Variants in THRB observed in about 807,000 individuals in gnomAD.
The protein encoded by THRB is thyroid hormone receptor beta, also known as nuclear receptor subfamily 1 group A member 2.
In THRB, 12 loss-of-function variants were observed where a neutral mutation model predicts 47.8. The ratio of observed to expected loss-of-function variants is 0.25; its 90% CI spans 0.16 to 0.41. The LOEUF is 0.41. THRB is among the 10% of genes least tolerant of loss of function. The pLI, the probability that THRB is intolerant of heterozygous loss-of-function variation, is 1.00. For missense variants in THRB, 348 were observed against 589.2 expected, an observed-to-expected ratio of 0.59 and a Z score of 4.24; for synonymous variants, 218 against 212.2, an observed-to-expected ratio of 1.03 and a Z score of -0.24.
At chr3:24,140,831 A>G (rs1056778997) in intron 8 of THRB, among the ~76,000 whole-genome samples, 5 of 152,214 alleles carry the variant, frequency 3.3e-5, no homozygotes, top group African/African-American at 1.2e-4. Flanking sequence ...GATGGCAGCC[A>G]TCTTGGAGAA....
intron 3 of THRB, among the ~76,000 whole-genome samples, chr3:24,252,420 C>G (rs1056804199): frequency 6.6e-6 from 1 of 151,988 alleles, no homozygotes; most frequent in African/African-American, 2.4e-5. Context: ...AAAAAAATCA[C>G]AGTTGAATCT....
chr3:24,276,333 T>C (rs570475828), intron 3 of THRB, among the ~76,000 whole-genome samples: 1 of 152,340 alleles, frequency 6.6e-6, no homozygotes, highest in South Asian at 2.1e-4. Flanking sequence ...ATTCATTTAT[T>C]AACTTAATCG....
At chr3:24,454,317 A>G (rs1184326102) in intron 1 of THRB, among the ~76,000 whole-genome samples, 3 of 152,218 alleles carry the variant, frequency 2.0e-5, no homozygotes, top group Non-Finnish European at 2.9e-5. Flanking sequence ...AAAATTCATA[A>G]TTCATACAGA....
chr3:24,448,312 C>T (rs551252011), intron 1 of THRB, among the ~76,000 whole-genome samples: 2 of 152,154 alleles, frequency 1.3e-5, no homozygotes, highest in East Asian at 1.9e-4. Context: ...GATCAAAATG[C>T]TATTTTTAAA....
At chr3:24,387,463 G>T (rs532023632) in intron 1 of THRB, among the ~76,000 whole-genome samples, 1 of 152,216 alleles carries the variant, frequency 6.6e-6, no homozygotes, top group Non-Finnish European at 1.5e-5. Context: ...TCTAACTACA[G>T]ATTTTTAATC....
intron 4 of THRB, among the ~76,000 whole-genome samples, chr3:24,223,901 GTATA>G (rs2047400308): frequency 6.6e-6 from 1 of 151,536 alleles, no homozygotes; most frequent in Admixed American, 6.6e-5. Context: ...TGTGGGGGGG[GTATA>G]TAGTCAAATT....
At chr3:24,386,904 C>A (rs2066166585) in intron 1 of THRB, among the ~76,000 whole-genome samples, 1 of 152,116 alleles carries the variant, frequency 6.6e-6, no homozygotes, top group Non-Finnish European at 1.5e-5. Flanking sequence ...AGTTAAAGCA[C>A]AGAAAGCACT....
At chr3:24,489,425 C>A (rs1036117728) in intron 1 of THRB, among the ~76,000 whole-genome samples, 1 of 152,254 alleles carries the variant, frequency 6.6e-6, no homozygotes, top group South Asian at 2.1e-4. Flanking sequence ...TGTGTCTGAG[C>A]AAGGGAGATG....
At chr3:24,280,812 C>T (rs1209372919) in intron 3 of THRB, among the ~76,000 whole-genome samples, 5 of 150,564 alleles carry the variant, frequency 3.3e-5, no homozygotes, top group South Asian at 2.1e-4. Flanking sequence ...GGAGCCCATG[C>T]GATCAACTGG....
At chr3:24,150,428 A>G (rs1163579952) in intron 6 of THRB, among the ~76,000 whole-genome samples, 4 of 152,182 alleles carry the variant, frequency 2.6e-5, no homozygotes, top group African/African-American at 4.8e-5. Flanking sequence ...TGATTTTACA[A>G]TGAAGGCAAC....
chr3:24,240,781 A>G (rs1283072572), intron 3 of THRB, among the ~76,000 whole-genome samples: 3 of 152,116 alleles, frequency 2.0e-5, no homozygotes, highest in African/African-American at 7.2e-5. Flanking sequence ...GAGAGTCTGC[A>G]TTTCTAACAA....
At chr3:24,234,378 T>A (rs2150158097) in intron 3 of THRB, among the ~76,000 whole-genome samples, 1 of 152,164 alleles carries the variant, frequency 6.6e-6, no homozygotes, top group South Asian at 2.1e-4. Context: ...TTGATGTAAA[T>A]GTGATCTAGT....
chr3:24,282,983 C>T (rs190218372), intron 3 of THRB, among the ~76,000 whole-genome samples: 7,968 of 151,694 alleles, frequency 0.053, 648 homozygotes, highest in African/African-American at 0.18. Flanking sequence ...GATGGATTCA[C>T]AGCCGAATTC....
Position 24,229,008 on chromosome 3 carries a change from G to C in THRB, c.-42-7C>G. On this transcript the variant is annotated splice_region_variant and splice_polypyrimidine_tract_variant and intron_variant, in intron 3 of 10. Coordinates refer to ENST00000646209, the MANE Select transcript of THRB (RefSeq NM_001354712.2). ...CTTTTTTCACTGACATCTCCTACAA[G>C]GAAAAAATACAAAAAAAATCACAGA... The C allele has an allele frequency of 6.7e-7, 1 of 1,500,078 alleles. No individual in the cohort carries two copies. Among genetic ancestry groups the C allele is most frequent in the Non-Finnish European group, 9.1e-7 (1 of 1,094,804 alleles). The allele number at this position is 1,500,078 out of a possible 1,614,324, so 92.9% of individuals were successfully genotyped here. A position where few individuals can be genotyped will look rare whatever the true frequency, so the allele number is the denominator to read the frequency against.
intron 5 of THRB, among the ~76,000 whole-genome samples, chr3:24,174,516 A>C (rs2040875058): frequency 6.6e-6 from 1 of 152,190 alleles, no homozygotes; most frequent in Non-Finnish European, 1.5e-5. Context: ...AATCTAAAGC[A>C]TGTCACCTGT....
intron 1 of THRB, among the ~76,000 whole-genome samples, chr3:24,383,209 G>A (rs540360941): frequency 7.9e-5 from 12 of 151,740 alleles, no homozygotes; most frequent in South Asian, 4.2e-4. Context: ...CAAAGTACCC[G>A]GCTCAGAAGA....
intron 3 of THRB, among the ~76,000 whole-genome samples, chr3:24,273,620 A>C (rs1003257542): frequency 2.0e-5 from 3 of 152,246 alleles, no homozygotes; most frequent in Admixed American, 1.3e-4. Context: ...TGGTGGCAGA[A>C]GCTGACCTGA....
chr3:24,317,717 C>T (rs758532366), intron 2 of THRB, among the ~76,000 whole-genome samples: 26 of 152,282 alleles, frequency 1.7e-4, no homozygotes, highest in Non-Finnish European at 2.4e-4. Context: ...TGGTTCTAAA[C>T]TGTTAAATAG....
intron 1 of THRB, among the ~76,000 whole-genome samples, chr3:24,464,202 C>T (rs575182210): frequency 1.6e-3 from 238 of 149,748 alleles, no homozygotes; most frequent in African/African-American, 5.7e-3. Flanking sequence ...GCCGAGATCG[C>T]GCCACTGCAC....
Sources: allele counts gnomAD v4.1 joint callset (sites outside exome capture counted in the v4.1 genomes callset), GRCh38; gene constraint gnomAD v4.1.1; transcripts MANE v1.5; gene names NCBI Gene and HGNC (gene_info 2026-07-23, HGNC 2026-07-21).